AGBL1: variants seen among roughly 807,000 people sequenced by gnomAD.
AGBL1 encodes AGBL carboxypeptidase 1.
Under a neutral mutation model 118.9 loss-of-function variants are expected in AGBL1, and 130 were observed. The ratio of observed to expected loss-of-function variants is 1.09; its 90% CI spans 0.95 to 1.26. The LOEUF (loss-of-function observed/expected upper bound fraction) is 1.26. Among genes scored for constraint, AGBL1 ranks in the 50% most tolerant of loss-of-function variants. The probability of loss-of-function intolerance (pLI) is 0.00; values close to 1 mark genes in which losing one functional copy is unlikely to be tolerated. For synonymous variants in AGBL1, 555 were observed against 478.9 expected (o/e 1.16, Z -2.08); for missense variants, 1,584 against 1,298.1 (o/e 1.22, Z -3.38).
chr15:86,584,129 T>C (rs1362646642), intron 21 of AGBL1, among the ~76,000 whole-genome samples: 1 of 152,168 alleles, frequency 6.6e-6, no homozygotes, highest in Non-Finnish European at 1.5e-5. Flanking sequence ...TGCCATTCCC[T>C]AGGTTGTCTG....
chr15:86,679,518 T>C (rs2085912697), intron 22 of AGBL1, among the ~76,000 whole-genome samples: 1 of 152,110 alleles, frequency 6.6e-6, no homozygotes, highest in Non-Finnish European at 1.5e-5. Flanking sequence ...GTATCATTTA[T>C]AATTTTTGAC....
Position 86,925,808 on chromosome 15 carries a change from G to T in AGBL1, c.3222-62179G>T, listed in dbSNP as rs372447950. On this transcript the variant is annotated intron_variant, in intron 23 of 24. Coordinates refer to the AGBL1 transcript ENST00000441037. ...TGCAGTGGCGCCATCTCGGCTCACT[G>T]CAACCTCCACCTCCCAGGTTCAAGC... Among the ~76,000 whole-genome samples, 5 of 147,780 alleles carry T rather than the reference G, an allele frequency of 3.4e-5. No individual in the cohort carries two copies. In the East Asian group the frequency reaches 8.0e-4, roughly 24 times the overall value.
chr15:86,866,880 C>G (rs1380736897), intron 22 of AGBL1, among the ~76,000 whole-genome samples: 1 of 152,184 alleles, frequency 6.6e-6, no homozygotes, highest in East Asian at 1.9e-4. Context: ...CTGACAGAGA[C>G]TGTAGAAGTC....
At chr15:86,124,117 GC>G (rs1285362120) in intron 1 of AGBL1, among the ~76,000 whole-genome samples, 5 of 152,120 alleles carry the variant, frequency 3.3e-5, no homozygotes, top group African/African-American at 1.2e-4. Flanking sequence ...ATCACTTGAG[GC>G]CAGGAGTTCA....
downstream of AGBL1, among the ~76,000 whole-genome samples, chr15:86,918,002 A>T (rs946484726): frequency 5.3e-5 from 8 of 152,188 alleles, no homozygotes; most frequent in African/African-American, 1.4e-4. Context: ...TATATTTTGC[A>T]TAGATGAAAG....
rs2080320661 is a variant in AGBL1, at chr15:86,909,384, C to T, written c.*2090C>T. The T allele has an allele frequency of 6.6e-6, 1 of 152,220 alleles. No homozygotes were observed. Among genetic ancestry groups the T allele is most frequent in the African/African-American group, 2.4e-5 (1 of 41,448 alleles). 9.4% of individuals were successfully genotyped at this position (152,220 alleles called of 1,614,324 possible). A position where few individuals can be genotyped will look rare whatever the true frequency, so the allele number is the denominator to read the frequency against. ...GAATAATCTCAGATGACACTCATAG[C>T]ACACACCTCTTGACCAGCAGAAAGC... On this transcript the variant is annotated 3_prime_UTR_variant, in exon 23 of 23. Coordinates refer to ENST00000614907, the MANE Select transcript of AGBL1 (RefSeq NM_001386094.1).
chr15:86,461,421 T>C (rs940344407), intron 18 of AGBL1, among the ~76,000 whole-genome samples: 3 of 152,186 alleles, frequency 2.0e-5, no homozygotes, highest in Non-Finnish European at 2.9e-5. Flanking sequence ...GCCACCACTC[T>C]TCCCTGGACC....
At chr15:86,258,799 C>T (rs1021483940) in intron 9 of AGBL1, among the ~76,000 whole-genome samples, 2 of 152,096 alleles carry the variant, frequency 1.3e-5, no homozygotes, top group Non-Finnish European at 2.9e-5. Context: ...CTCCACCTCC[C>T]GGATCCAAGC....
At chr15:86,966,432 G>A (rs545619742) in intron 23 of AGBL1, among the ~76,000 whole-genome samples, 8 of 151,830 alleles carry the variant, frequency 5.3e-5, no homozygotes, top group South Asian at 4.2e-4. Context: ...CCAGTAACTC[G>A]TCATTTAACA....
At chr15:86,135,739 G>A (rs144737317) in intron 1 of AGBL1, among the ~76,000 whole-genome samples, 170 of 152,280 alleles carry the variant, frequency 1.1e-3, no homozygotes, top group African/African-American at 4.0e-3. Flanking sequence ...GATTAAAAGT[G>A]GCTGAAAATT....
chr15:86,827,938 C>CTTTGTTTTTTTTTTTTTTTTTTTTTT (rs2079052674), intron 22 of AGBL1, among the ~76,000 whole-genome samples: 1 of 16,762 alleles, frequency 6.0e-5, no homozygotes, highest in Non-Finnish European at 1.2e-4. Flanking sequence ...TGATGTAGGG[C>CTTTGTTTTTTTTTTTTTTTTTTTTTT]TTTTTTTTTT....
intron 17 of AGBL1, among the ~76,000 whole-genome samples, chr15:86,395,145 G>T (rs907124200): frequency 6.6e-6 from 1 of 152,060 alleles, no homozygotes; most frequent in East Asian, 1.9e-4. Context: ...TGATCTACAG[G>T]ATGAAGTCCA....
intron 17 of AGBL1, among the ~76,000 whole-genome samples, chr15:86,338,271 C>T (rs943725440): frequency 3.3e-5 from 5 of 151,982 alleles, no homozygotes; most frequent in Admixed American, 1.3e-4. Flanking sequence ...TTTAAATCCC[C>T]GAGACAGGAA....
intron 22 of AGBL1, among the ~76,000 whole-genome samples, chr15:86,862,831 G>A (rs2079577643): frequency 6.6e-6 from 1 of 152,238 alleles, no homozygotes; most frequent in Non-Finnish European, 1.5e-5. Flanking sequence ...CATACACGAG[G>A]ACATCTATGA....
intron 7 of AGBL1, among the ~76,000 whole-genome samples, chr15:86,253,918 C>A (rs377380649): frequency 6.6e-6 from 1 of 152,018 alleles, no homozygotes; most frequent in African/African-American, 2.4e-5. Context: ...TTTAAAGGAC[C>A]ATTCTGGCTG....
rs572703711 is a variant in AGBL1, at chr15:87,002,828, T to C, written c.3323+14740T>C. Among the ~76,000 whole-genome samples, 11 of 152,326 alleles carry C rather than the reference T, an allele frequency of 7.2e-5. No individual in the cohort carries two copies. The East Asian group carries it at 2.1e-3, about 29-fold the overall frequency. On this transcript the variant is annotated intron_variant, in intron 24 of 24. Coordinates refer to the AGBL1 transcript ENST00000441037. ...GCTTGTGATTTTTGCACATTGATTT[T>C]ATATCCTGAGACTTTGCTGAAGTTG...
At chr15:86,900,422 T>C (rs1453274578) in intron 22 of AGBL1, among the ~76,000 whole-genome samples, 1 of 152,184 alleles carries the variant, frequency 6.6e-6, no homozygotes, top group Non-Finnish European at 1.5e-5. Context: ...GCTTAGTAAT[T>C]TTCAGAAAAC....
chr15:86,994,448 G>C (rs553447636), intron 24 of AGBL1, among the ~76,000 whole-genome samples: 7 of 152,246 alleles, frequency 4.6e-5, no homozygotes, highest in African/African-American at 1.7e-4. Context: ...AAAAGAGAGA[G>C]AGAGAAAAGA....
intron 21 of AGBL1, among the ~76,000 whole-genome samples, chr15:86,629,334 A>G (rs987807206): frequency 2.6e-5 from 4 of 152,236 alleles, no homozygotes; most frequent in African/African-American, 9.6e-5. Flanking sequence ...TTGCTGGGCA[A>G]AAGATTTACT....
Sources: gnomAD v4.1 joint callset for allele counts (sites outside exome capture counted in the v4.1 genomes callset) on GRCh38, gnomAD v4.1.1 for gene constraint, MANE v1.5 for transcripts, NCBI Gene and HGNC (gene_info 2026-07-23, HGNC 2026-07-21) for gene names.